TBC1D4: variants seen among roughly 807,000 people sequenced by gnomAD.
The protein encoded by TBC1D4 is TBC1 domain family member 4.
TBC1D4 carries 121 observed loss-of-function variants against 142.5 expected under a neutral mutation model. The ratio of observed to expected loss-of-function variants is 0.85; its 90% CI spans 0.73 to 0.99. TBC1D4 has a LOEUF of 0.99. TBC1D4 is among the 50% of genes least tolerant of loss of function. The pLI is 0.00. For missense variants in TBC1D4, 1,475 were observed against 1,606.6 expected, an observed-to-expected ratio of 0.92 and a Z score of 1.40; for synonymous variants, 630 against 628.2, an observed-to-expected ratio of 1.00 and a Z score of -0.04.
At chr13:75,354,031 G>A (rs1233216499) in intron 4 of TBC1D4, among the ~76,000 whole-genome samples, 1 of 152,182 alleles carries the variant, frequency 6.6e-6, no homozygotes, top group Non-Finnish European at 1.5e-5. Flanking sequence ...TAACCAACAC[G>A]TGTGGGTTTC....
chr13:75,395,013 A>G (rs537254948), intron 1 of TBC1D4, among the ~76,000 whole-genome samples: 1 of 152,356 alleles, frequency 6.6e-6, no homozygotes, highest in East Asian at 1.9e-4. Flanking sequence ...ATAACCATTT[A>G]CAATAGGAGT....
At chr13:75,378,296 T>C (rs1466987182) in intron 1 of TBC1D4, among the ~76,000 whole-genome samples, 1 of 152,178 alleles carries the variant, frequency 6.6e-6, no homozygotes, top group Non-Finnish European at 1.5e-5. Context: ...TGTTTTAAAA[T>C]GATCAGCTTT....
chr13:75,444,838 G>T lies in TBC1D4; in HGVS notation c.498+36432C>A, dbSNP rs180857846. On this transcript the variant is annotated intron_variant, in intron 1 of 20. Coordinates refer to ENST00000377636, the MANE Select transcript of TBC1D4 (RefSeq NM_014832.5). ...AATATAAATTAATCATGACCCATGG[G>T]TCTACATTTCTCTACTTTTTATTTC... Among the ~76,000 whole-genome samples the T allele has an allele frequency of 2.6e-5, 4 of 152,162 alleles. No individual in the cohort carries two copies. In the East Asian group the frequency reaches 7.7e-4, roughly 29 times the overall value.
At chr13:75,464,440 C>A (rs972396555) in intron 1 of TBC1D4, among the ~76,000 whole-genome samples, 1 of 152,190 alleles carries the variant, frequency 6.6e-6, no homozygotes, top group Non-Finnish European at 1.5e-5. Context: ...AGAGCCCATC[C>A]CTTTGTTTCA....
chr13:75,289,606 G>A (rs572530807), intron 19 of TBC1D4, among the ~76,000 whole-genome samples: 1 of 152,098 alleles, frequency 6.6e-6, no homozygotes, highest in Non-Finnish European at 1.5e-5. Flanking sequence ...TTTGCCAATG[G>A]AGCAGAAAGA....
At position 75,315,601 on chromosome 13, in the gene TBC1D4, A is replaced by G. The variant is rs989658787; in HGVS notation, c.2223-2703T>C. On this transcript the variant is annotated intron_variant, in intron 12 of 20. Transcript: ENST00000377636. ...CGACCTTGATGGCAGTTATTTGCTA[A>G]ATGCCCAGTTCATAGGTATATTTCT... is the stretch of plus-strand genomic sequence containing the variant. Among the ~76,000 whole-genome samples, 4 of 152,054 alleles carry G rather than the reference A, an allele frequency of 2.6e-5. No homozygotes were observed. The East Asian group carries it at 7.7e-4, about 29-fold the overall frequency.
chr13:75,481,216 T>TC, intron 1 of TBC1D4, 54 bp downstream of exon 1: 14 of 772,156 alleles, frequency 1.8e-5, no homozygotes, highest in Non-Finnish European at 2.3e-5. Context: ...CCCGCCCTGC[T>TC]CCCCGATCCC....
intron 1 of TBC1D4, among the ~76,000 whole-genome samples, chr13:75,369,177 G>A (rs769997392): frequency 3.9e-5 from 6 of 152,254 alleles, no homozygotes; most frequent in Non-Finnish European, 5.9e-5. Context: ...GGCAAGAACC[G>A]TCACTTTCCA....
chr13:75,418,365 A>G (rs1211318668), intron 1 of TBC1D4, among the ~76,000 whole-genome samples: 2 of 152,240 alleles, frequency 1.3e-5, no homozygotes, highest in African/African-American at 2.4e-5. Flanking sequence ...TTTTCCTGCC[A>G]GACAGGAGAT....
At chr13:75,312,006 G>T (rs1184340314) in intron 13 of TBC1D4, among the ~76,000 whole-genome samples, 1 of 151,994 alleles carries the variant, frequency 6.6e-6, no homozygotes, top group Non-Finnish European at 1.5e-5. Flanking sequence ...TTAATTTATC[G>T]ATTTCACTCC....
intron 1 of TBC1D4, among the ~76,000 whole-genome samples, chr13:75,381,281 C>G (rs1301733910): frequency 6.6e-6 from 1 of 152,206 alleles, no homozygotes; most frequent in East Asian, 1.9e-4. Flanking sequence ...AAACACCAGT[C>G]CTTCCTCACC....
chr13:75,450,970 T>A (rs575983318), intron 1 of TBC1D4, among the ~76,000 whole-genome samples: 2 of 152,302 alleles, frequency 1.3e-5, no homozygotes, highest in East Asian at 1.9e-4. Context: ...GATTTAGAAG[T>A]TACCACTCAG....
chr13:75,386,686 T>A (rs920379903), intron 1 of TBC1D4, among the ~76,000 whole-genome samples: 1 of 152,152 alleles, frequency 6.6e-6, no homozygotes, highest in Non-Finnish European at 1.5e-5. Flanking sequence ...TCTTTCATGA[T>A]ACATGCTCAT....
At chr13:75,381,901 T>C (rs1160871460) in intron 1 of TBC1D4, among the ~76,000 whole-genome samples, 3 of 152,130 alleles carry the variant, frequency 2.0e-5, no homozygotes, top group Non-Finnish European at 4.4e-5. Flanking sequence ...TACCAATCTA[T>C]GGAGATAGAT....
chr13:75,416,906 C>T (rs1418049866), intron 1 of TBC1D4, among the ~76,000 whole-genome samples: 3 of 152,084 alleles, frequency 2.0e-5, no homozygotes. Context: ...TTCTTCTGAC[C>T]CCTGGAGGAG....
intron 5 of TBC1D4, among the ~76,000 whole-genome samples, chr13:75,345,840 C>T (rs78954518): frequency 0.019 from 2,838 of 152,232 alleles, 48 homozygotes; most frequent in South Asian, 0.057. Context: ...GTGATAGCTC[C>T]CCTATAGGTT....
At position 75,327,421 on chromosome 13, in the gene TBC1D4, G is replaced by A. The variant is rs779584820; in HGVS notation, c.1806+331C>T. ...ATGAGGGGGGAAAATAACACGGGAA[G>A]GGAACAAATAAAATCACTGTACAAG... On this transcript the variant is annotated intron_variant, in intron 9 of 20. Transcript: ENST00000377636. Among the ~76,000 whole-genome samples the A allele has an allele frequency of 1.1e-4, 16 of 151,964 alleles. 1 individual carries two copies. Among genetic ancestry groups the A allele is most frequent in the Non-Finnish European group, 4.4e-5 (3 of 67,992 alleles).
intron 8 of TBC1D4, among the ~76,000 whole-genome samples, chr13:75,334,908 C>A (rs752707288): frequency 6.6e-6 from 1 of 152,118 alleles, no homozygotes; most frequent in Non-Finnish European, 1.5e-5. Context: ...TTAGTAATTT[C>A]TTCCTCCCTG....
At chr13:75,400,177 C>T (rs1885012591) in intron 1 of TBC1D4, among the ~76,000 whole-genome samples, 1 of 152,134 alleles carries the variant, frequency 6.6e-6, no homozygotes, top group Admixed American at 6.5e-5. Context: ...CCCTAGAAAA[C>T]CAAAACACTT....
Sources: allele counts gnomAD v4.1 joint callset (sites outside exome capture counted in the v4.1 genomes callset), GRCh38; gene constraint gnomAD v4.1.1; transcripts MANE v1.5; gene names NCBI Gene and HGNC (gene_info 2026-07-23, HGNC 2026-07-21).